Variants in GRIA4 observed in about 807,000 individuals in gnomAD.
GRIA4 encodes the protein glutamate receptor 4.
Under a neutral mutation model 104.0 loss-of-function variants are expected in GRIA4, and 34 were observed. The observed-to-expected ratio is 0.33, with a 90% confidence interval of 0.25 to 0.44. GRIA4 has a LOEUF of 0.44. Ranked by LOEUF, GRIA4 falls within the 20% of genes least tolerant of loss-of-function variation. The pLI, the probability that GRIA4 is intolerant of heterozygous loss-of-function variation, is 1.00. For synonymous variants in GRIA4, 386 were observed against 381.9 expected (o/e 1.01, Z -0.13); for missense variants, 750 against 1,096.5 (o/e 0.68, Z 4.46).
intron 14 of GRIA4, among the ~76,000 whole-genome samples, chr11:105,971,484 T>C (rs1781531536): frequency 6.6e-6 from 1 of 152,170 alleles, no homozygotes; most frequent in Non-Finnish European, 1.5e-5. Flanking sequence ...TACCATAAGC[T>C]GAATCATAAT....
intron 4 of GRIA4, among the ~76,000 whole-genome samples, chr11:105,827,398 G>T (rs1050548823): frequency 6.6e-6 from 1 of 151,218 alleles, no homozygotes; most frequent in Non-Finnish European, 1.5e-5. Flanking sequence ...ATATTTAGAA[G>T]AAAAAAAACA....
chr11:105,697,147 T>C (rs1246344104), intron 3 of GRIA4, among the ~76,000 whole-genome samples: 1 of 152,196 alleles, frequency 6.6e-6, no homozygotes, highest in African/African-American at 2.4e-5. Flanking sequence ...TTTTCTATTA[T>C]AGAACAAAAG....
chr11:105,787,254 A>G (rs1342456932), intron 4 of GRIA4, among the ~76,000 whole-genome samples: 1 of 152,158 alleles, frequency 6.6e-6, no homozygotes. Flanking sequence ...ATAAACCTTT[A>G]TAATGTAAAT....
At chr11:105,732,082 C>T (rs1206942590) in intron 3 of GRIA4, among the ~76,000 whole-genome samples, 1 of 151,992 alleles carries the variant, frequency 6.6e-6, no homozygotes, top group Non-Finnish European at 1.5e-5. Context: ...CTAAGCTGTC[C>T]AGTAATATCA....
chr11:105,753,041 T>G lies in GRIA4; in HGVS notation c.308T>G (p.Val103Gly). ...TTTGGACTCTATGATAAGAGGTCGG[T>G]ACATACCTTGACCTCATTCTGCAGC... is the stretch of plus-strand genomic sequence containing the variant. ...AIFGLYDKRS[V>G]HTLTSFCSAL... Residue 103 changes from valine to glycine, a missense_variant, in exon 4 of 17, where the codon GTA becomes GGA. This residue lies in a region of GRIA4 where 410 missense variants were observed against 502.7 expected (regional missense o/e 0.82). Coordinates refer to ENST00000282499, the MANE Select transcript of GRIA4 (RefSeq NM_000829.4). 6.2e-7 allele frequency: 1 copy of G among 1,612,536 alleles called. No homozygotes were observed. The highest frequency in any genetic ancestry group is 8.5e-7 in the Non-Finnish European group (1 of 1,178,594).
intron 10 of GRIA4, chr11:105,912,286 T>C (rs2136169898): frequency 2.1e-6 from 2 of 971,742 alleles, no homozygotes; most frequent in African/African-American, 1.8e-5. Context: ...ATATATACAG[T>C]TGTTTTCTTT....
At chr11:105,670,035 T>C (rs967159033) in intron 3 of GRIA4, among the ~76,000 whole-genome samples, 6 of 152,100 alleles carry the variant, frequency 3.9e-5, no homozygotes, top group African/African-American at 1.2e-4. Flanking sequence ...CATCGCCTAT[T>C]CTTCCCTTTA....
chr11:105,759,559 TC>T (rs1940503575), intron 4 of GRIA4, among the ~76,000 whole-genome samples: 1 of 151,974 alleles, frequency 6.6e-6, no homozygotes, highest in African/African-American at 2.4e-5. Context: ...TAAAAGATGC[TC>T]CACAATCTGT....
chr11:105,614,377 T>C (rs1950548947), intron 3 of GRIA4: 2 of 151,880 alleles, frequency 1.3e-5, no homozygotes, highest in East Asian at 1.9e-4. Flanking sequence ...TAACTGTAAC[T>C]AGTATTATTT....
At position 105,650,926 on chromosome 11, in the gene GRIA4, G is replaced by A. The variant is rs558805912; in HGVS notation, c.247+38492G>A. On this transcript the variant is annotated intron_variant, in intron 3 of 16. Coordinates refer to ENST00000282499, the MANE Select transcript of GRIA4 (RefSeq NM_000829.4). ...CCCCTCTTCTAGCAAGATTATATCG[G>A]TCAACAGGGTAGACCTCAATATGTT... Among the ~76,000 whole-genome samples the A allele has an allele frequency of 9.2e-5, 14 of 152,264 alleles. No homozygotes were observed. The South Asian group carries it at 2.5e-3, about 27-fold the overall frequency.
At chr11:105,767,911 T>C (rs1450568487) in intron 4 of GRIA4, among the ~76,000 whole-genome samples, 1 of 152,114 alleles carries the variant, frequency 6.6e-6, no homozygotes, top group East Asian at 1.9e-4. Flanking sequence ...GATGAGGACC[T>C]CTCGCTTTAA....
At chr11:105,629,394 ATAT>A (rs1169939858) in intron 3 of GRIA4, among the ~76,000 whole-genome samples, 16 of 152,076 alleles carry the variant, frequency 1.1e-4, no homozygotes, top group South Asian at 2.1e-4. Flanking sequence ...TAAATGATAA[ATAT>A]TATTATATGG....
At chr11:105,762,758 C>T (rs985252030) in intron 4 of GRIA4, among the ~76,000 whole-genome samples, 1 of 152,124 alleles carries the variant, frequency 6.6e-6, no homozygotes, top group African/African-American at 2.4e-5. Flanking sequence ...AGCCTCCTGC[C>T]ATGTAAGATG....
At chr11:105,621,863 A>G (rs1419490926) in intron 3 of GRIA4, among the ~76,000 whole-genome samples, 1 of 151,850 alleles carries the variant, frequency 6.6e-6, no homozygotes, top group Non-Finnish European at 1.5e-5. Context: ...AGTGACGATT[A>G]TCAGTTTTTT....
At chr11:105,732,452 T>C (rs921677224) in intron 3 of GRIA4, among the ~76,000 whole-genome samples, 1 of 152,114 alleles carries the variant, frequency 6.6e-6, no homozygotes, top group Non-Finnish European at 1.5e-5. Context: ...GGGATGAAGA[T>C]GCCTACAAGC....
At chr11:105,806,773 A>G (rs1290390545) in intron 4 of GRIA4, among the ~76,000 whole-genome samples, 1 of 151,834 alleles carries the variant, frequency 6.6e-6, no homozygotes, top group Non-Finnish European at 1.5e-5. Context: ...GAACACTTTA[A>G]CGAGATAAGA....
intron 5 of GRIA4, among the ~76,000 whole-genome samples, chr11:105,864,974 TAATAGA>T: frequency 6.6e-6 from 1 of 152,300 alleles, no homozygotes; most frequent in Middle Eastern, 3.4e-3. Context: ...TGCAAAAACA[TAATAGA>T]AATAGTTCAG....
chr11:105,926,313 T>C (rs1389647206), intron 12 of GRIA4, among the ~76,000 whole-genome samples: 1 of 152,118 alleles, frequency 6.6e-6, no homozygotes, highest in East Asian at 1.9e-4. Flanking sequence ...TGCTAATTTA[T>C]GTACCACAAA....
intron 14 of GRIA4, among the ~76,000 whole-genome samples, chr11:105,943,978 G>C (rs1412933045): frequency 2.0e-5 from 3 of 152,014 alleles, no homozygotes; most frequent in African/African-American, 7.2e-5. Flanking sequence ...AATGAATGAA[G>C]TTAGAGTACC....
Sources: allele counts gnomAD v4.1 joint callset (sites outside exome capture counted in the v4.1 genomes callset), GRCh38; gene constraint gnomAD v4.1.1; regional missense constraint gnomAD v4.1.1; transcripts MANE v1.5; gene names NCBI Gene and HGNC (gene_info 2026-07-23, HGNC 2026-07-21).